SORBS2: variants seen among roughly 807,000 people sequenced by gnomAD.
The protein encoded by SORBS2 is sorbin and SH3 domain containing 2, also known as sorbin and SH3 domain-containing protein 2.
In SORBS2, 46 loss-of-function variants were observed where a neutral mutation model predicts 97.7. The observed-to-expected ratio is 0.47, with a 90% CI of 0.37 to 0.60. The LOEUF (loss-of-function observed/expected upper bound fraction) is 0.60. SORBS2 is among the 20% of genes least tolerant of loss of function. The probability of loss-of-function intolerance (pLI) is 0.00; values close to 1 mark genes in which losing one functional copy is unlikely to be tolerated. For missense variants in SORBS2, 1,316 were observed against 1,282.3 expected, an observed-to-expected ratio of 1.03 and a Z score of -0.40; for synonymous variants, 476 against 473.4, an observed-to-expected ratio of 1.01 and a Z score of -0.07.
rs1580805923 is a variant in SORBS2 at position 185,606,619 on chromosome 4, T to C, written c.2796+5161A>G. The C allele has an allele frequency of 1.0e-6, 1 of 985,304 alleles. No homozygotes were observed. Among genetic ancestry groups the C allele is most frequent in the Non-Finnish European group, 1.2e-6 (1 of 829,866 alleles). The allele number at this position is 985,304 out of a possible 1,614,324, so 61.0% of individuals were successfully genotyped here. A position where few individuals can be genotyped will look rare whatever the true frequency, so the allele number is the denominator to read the frequency against. On this transcript the variant is annotated intron_variant, in intron 12 of 14. Transcript: ENST00000418609. This position sits in a 1 kb window ranked among gnomAD's most constrained non-coding sequence, Gnocchi z 4.3. The stretch of plus-strand genomic sequence containing the variant: ...GGGTTTTGCTGCATTGCTGTCCTCC[T>C]TGGGGGTCCTAGGATCTGTGGGGGT...
intron 2 of SORBS2, among the ~76,000 whole-genome samples, chr4:185,740,663 C>T (rs2098717215): frequency 6.6e-6 from 1 of 152,116 alleles, no homozygotes; most frequent in Non-Finnish European, 1.5e-5. Context: ...TAACTCAGCC[C>T]AACACTAACT....
intron 2 of SORBS2, among the ~76,000 whole-genome samples, chr4:185,709,304 C>CTTTTTTTTTTTTTGTTTTTTT (rs2098393723): frequency 1.0e-5 from 1 of 96,804 alleles, no homozygotes; most frequent in African/African-American, 4.1e-5. Context: ...CTGGCCAAAT[C>CTTTTTTTTTTTTTGTTTTTTT]TTTTTTTTTT....
chr4:185,746,997 G>A (rs1461357381), intron 2 of SORBS2, among the ~76,000 whole-genome samples: 3 of 152,322 alleles, frequency 2.0e-5, no homozygotes, highest in Admixed American at 1.3e-4. Flanking sequence ...TCTAGCTGGT[G>A]TCCTTAAGAA....
chr4:185,615,292 G>A (rs2096611191), intron 9 of SORBS2, 133 bp from the exon 22 acceptor site: 4 of 635,294 alleles, frequency 6.3e-6, no homozygotes, highest in Admixed American at 2.5e-5. Context: ...TATTGAGTCC[G>A]ATTAGATAAG....
chr4:185,866,768 ATTTAT>A (rs2099227111), intron 1 of SORBS2, among the ~76,000 whole-genome samples: 1 of 152,160 alleles, frequency 6.6e-6, no homozygotes. Flanking sequence ...CCACCTTGCA[ATTTAT>A]TTTATCACTA....
At chr4:185,886,643 G>A (rs1011895102) in intron 1 of SORBS2, among the ~76,000 whole-genome samples, 7 of 151,500 alleles carry the variant, frequency 4.6e-5, no homozygotes, top group East Asian at 1.9e-4. Context: ...TGCTATCCAC[G>A]GCTCAGGTCA....
chr4:185,904,416 C>T (rs1348034806), intron 1 of SORBS2, among the ~76,000 whole-genome samples: 1 of 152,182 alleles, frequency 6.6e-6, no homozygotes, highest in African/African-American at 2.4e-5. Flanking sequence ...AATCATCTTA[C>T]TGGGTGGCAG....
At chr4:185,886,116 C>T (rs200305339) in intron 1 of SORBS2, among the ~76,000 whole-genome samples, 11 of 152,266 alleles carry the variant, frequency 7.2e-5, no homozygotes, top group East Asian at 5.8e-4. Context: ...TTGGGGAAAA[C>T]GATGGACTGA....
Position 185,649,500 on chromosome 4 carries a change from G to A in SORBS2, c.248C>T (p.Pro83Leu), listed in dbSNP as rs749969599. Residue 83 changes from proline to leucine, a missense_variant, in exon 3 of 15, where the codon CCG becomes CTG. Transcript: ENST00000418609. ...TGAAGACCGATCTCTTGGTCGAAGC[G>A]GCGGGACTGGAGGTGGAACATGTGG... 13 of 1,593,444 alleles carry A rather than the reference G, an allele frequency of 8.2e-6. No homozygotes were observed. In the Middle Eastern group the frequency reaches 5.0e-4, roughly 61 times the overall value.
intron 1 of SORBS2, among the ~76,000 whole-genome samples, chr4:185,900,046 G>A (rs867163144): frequency 3.3e-5 from 5 of 152,112 alleles, no homozygotes; most frequent in Non-Finnish European, 7.4e-5. Context: ...GAGCCCAGGA[G>A]TTTCAGATTG....
chr4:185,937,514 T>C (rs1325014599), intron 1 of SORBS2, among the ~76,000 whole-genome samples: 1 of 152,212 alleles, frequency 6.6e-6, no homozygotes, highest in Non-Finnish European at 1.5e-5. Flanking sequence ...GAGAACTCCA[T>C]ATTTCCTGAG....
At chr4:185,856,509 A>C (rs2099220610) in intron 1 of SORBS2, among the ~76,000 whole-genome samples, 1 of 152,200 alleles carries the variant, frequency 6.6e-6, no homozygotes, top group Admixed American at 6.5e-5. Context: ...TGTGAGCTTT[A>C]TAAATCTCTA....
intron 6 of SORBS2, 85 bp from the exon 19 acceptor site, chr4:185,624,579 C>T (rs896979767): frequency 4.8e-5 from 65 of 1,367,754 alleles, no homozygotes; most frequent in Non-Finnish European, 6.2e-5. Flanking sequence ...GTCAGTAAAG[C>T]ATCAGACAGC....
At position 185,678,753 on chromosome 4, in the gene SORBS2, G is replaced by T. The variant is rs113574412; in HGVS notation, c.-171+43C>A. On this transcript the variant is annotated intron_variant, in intron 3 of 20. Coordinates refer to the SORBS2 transcript ENST00000284776. Reference sequence around the variant, plus strand: ...GTGGCTATGAATATGTTTTCTAAAAGTCACAAATAATATAATAATTATTCA... The same window carrying T: ...GTGGCTATGAATATGTTTTCTAAAATTCACAAATAATATAATAATTATTCA... 2,215 of 1,346,616 alleles carry T rather than the reference G, an allele frequency of 1.6e-3. 32 individuals are homozygous for T. In the African/African-American group the frequency reaches 0.029, roughly 18 times the overall value. The allele number at this position is 1,346,616 out of a possible 1,614,324, so 83.4% of individuals were successfully genotyped here. A position where few individuals can be genotyped will look rare whatever the true frequency, so the allele number is the denominator to read the frequency against.
intron 2 of SORBS2, among the ~76,000 whole-genome samples, chr4:185,758,131 G>A (rs115063154): frequency 2.4e-3 from 366 of 152,256 alleles, no homozygotes; most frequent in Non-Finnish European, 3.9e-3. Context: ...AGAAACTCTC[G>A]GGTCCTAACC....
chr4:185,641,739 T>C (rs914457279), intron 4 of SORBS2, among the ~76,000 whole-genome samples: 2 of 151,528 alleles, frequency 1.3e-5, no homozygotes, highest in African/African-American at 4.9e-5. Flanking sequence ...GTGTGATTTT[T>C]TTGTTGTTGT....
intron 1 of SORBS2, among the ~76,000 whole-genome samples, chr4:185,821,372 A>G (rs956168914): frequency 3.3e-5 from 5 of 152,154 alleles, no homozygotes; most frequent in Non-Finnish European, 7.4e-5. Flanking sequence ...TCGTGGTAAG[A>G]ACTTTGGGCC....
intron 2 of SORBS2, among the ~76,000 whole-genome samples, chr4:185,686,693 A>G (rs544060230): frequency 2.0e-4 from 31 of 152,352 alleles, no homozygotes; most frequent in African/African-American, 7.5e-4. Flanking sequence ...TCTAAGAGTG[A>G]TTTTATTTCC....
At chr4:185,775,078 A>T (rs1163718147) in intron 2 of SORBS2, 149 bp downstream of exon 2, 1 of 152,300 alleles carries the variant, frequency 6.6e-6, no homozygotes, top group Non-Finnish European at 1.5e-5. Flanking sequence ...AAATGCCCAG[A>T]TGCTCCTGCT....
Sources: gnomAD v4.1 joint callset for allele counts (sites outside exome capture counted in the v4.1 genomes callset) on GRCh38, gnomAD v4.1.1 for gene constraint, Gnocchi (gnomAD v3.1) non-coding constraint, MANE v1.5 for transcripts, NCBI Gene and HGNC (gene_info 2026-07-23, HGNC 2026-07-21) for gene names.